RBL2: variants seen among roughly 807,000 people sequenced by gnomAD.
RBL2 encodes retinoblastoma-like protein 2.
Under a neutral mutation model 126.0 loss-of-function variants are expected in RBL2, and 56 were observed. That is an observed-to-expected ratio of 0.44 (90% confidence interval 0.36 to 0.56). The LOEUF (loss-of-function observed/expected upper bound fraction) is 0.56. RBL2 is among the 20% of genes least tolerant of loss of function. RBL2 has a pLI of 0.00. For missense variants in RBL2, 1,229 were observed against 1,398.2 expected (o/e 0.88, Z 1.93); for synonymous variants, 454 against 478.5 (o/e 0.95, Z 0.67).
At chr16:53,446,965 C>T (rs556765057) in intron 3 of RBL2, 77 bp from the exon 4 acceptor site, 2 of 839,936 alleles carry the variant, frequency 2.4e-6, no homozygotes, top group African/African-American at 3.6e-5. Flanking sequence ...TTATTTTACA[C>T]CTGATTTATA....
intron 5 of RBL2, among the ~76,000 whole-genome samples, chr16:53,452,787 C>G (rs887779796): frequency 2.6e-5 from 4 of 152,114 alleles, no homozygotes; most frequent in African/African-American, 9.7e-5. Context: ...TCATCTCAGC[C>G]TCCCAGGTAG....
chr16:53,485,128 CA>C (rs955128077), intron 21 of RBL2, among the ~76,000 whole-genome samples: 2 of 152,030 alleles, frequency 1.3e-5, no homozygotes, highest in African/African-American at 4.8e-5. Flanking sequence ...CACTCTCTAA[CA>C]AATCAAGTGC....
At chr16:53,490,036 G>C in intron 21 of RBL2, 94 bp from the exon 22 acceptor site, 1 of 310,162 alleles carries the variant, frequency 3.2e-6, no homozygotes, top group Non-Finnish European at 4.7e-6. Context: ...AACTCTTCCA[G>C]GGTAAACTGC....
Position 53,470,860 on chromosome 16 carries a change from G to A in RBL2, c.2641G>A (p.Glu881Lys). Residue 881 changes from glutamate to lysine, a missense_variant, in exon 17 of 22, where the codon GAA (glutamate) becomes AAA (lysine). This residue lies in a region of RBL2 where 1,070 missense variants were observed against 1,274.3 expected (regional missense o/e 0.84). Coordinates refer to ENST00000262133, the MANE Select transcript of RBL2 (RefSeq NM_005611.4). ...CFEFSIIQCPELMMDRHLDQL... is the reference protein window; with the variant it reads ...CFEFSIIQCPKLMMDRHLDQL... ...TGAATTCTCCATAATTCAGTGTCCT[G>A]AACTTATGATGGACAGACATCTGGA... The A allele has an allele frequency of 6.2e-7, 1 of 1,614,136 alleles. No individual in the cohort carries two copies. The highest frequency in any genetic ancestry group is 8.5e-7 in the Non-Finnish European group (1 of 1,179,976).
rs147692928 is a variant in RBL2 at position 53,443,554 on chromosome 16, A to C, written c.572+696A>C. On this transcript the variant is annotated intron_variant, in intron 3 of 21. Coordinates refer to ENST00000262133, the MANE Select transcript of RBL2 (RefSeq NM_005611.4). ...TTCTGATCACTTCTGCAAAGTCTAT[A>C]AGCATGCTCTGACTCAGTGTTTTCT... Among the ~76,000 whole-genome samples the C allele has an allele frequency of 9.2e-5, 14 of 152,324 alleles. No homozygotes were observed. In the East Asian group the frequency reaches 2.7e-3, roughly 29 times the overall value.
intron 17 of RBL2, among the ~76,000 whole-genome samples, chr16:53,477,035 A>T (rs1451075007): frequency 6.8e-6 from 1 of 147,572 alleles, no homozygotes; most frequent in Non-Finnish European, 1.5e-5. Flanking sequence ...TAGCATTTTA[A>T]CGTCAGTACT....
At chr16:53,472,775 C>T (rs1960572174) in intron 17 of RBL2, among the ~76,000 whole-genome samples, 1 of 152,082 alleles carries the variant, frequency 6.6e-6, no homozygotes, top group Admixed American at 6.6e-5. Flanking sequence ...GTTACTTGCA[C>T]TTTGGGTGTC....
intron 2 of RBL2, among the ~76,000 whole-genome samples, chr16:53,441,585 T>C (rs918437099): frequency 2.6e-5 from 4 of 152,160 alleles, no homozygotes; most frequent in Non-Finnish European, 5.9e-5. Flanking sequence ...AGAAACATTA[T>C]TGAGTGTGAA....
Position 53,442,635 on chromosome 16 carries a change from ATCT to A in RBL2, c.372-21_372-19del. 6.4e-7 allele frequency: 1 copy of A among 1,553,316 alleles called. No individual in the cohort carries two copies. Among genetic ancestry groups the A allele is most frequent in the Non-Finnish European group, 8.8e-7 (1 of 1,131,326 alleles). Reference sequence around the variant, plus strand: ...TTTAGCCTTATGTTAATTATGAAATATCTTGTTTGTCTTTAATACCAGCTTAAT... The same window carrying A: ...TTTAGCCTTATGTTAATTATGAAATATGTTTGTCTTTAATACCAGCTTAAT... On this transcript the variant is annotated intron_variant, in intron 2 of 21. Coordinates refer to ENST00000262133, the MANE Select transcript of RBL2 (RefSeq NM_005611.4).
chr16:53,474,706 G>A (rs761944310), intron 17 of RBL2, among the ~76,000 whole-genome samples: 1 of 152,160 alleles, frequency 6.6e-6, no homozygotes, highest in Non-Finnish European at 1.5e-5. Flanking sequence ...ATTTTTTCAA[G>A]TTTCCACATG....
rs748282036 is a variant in RBL2, at chr16:53,470,375, G to A, written c.2246-8G>A. 12 of 1,605,174 alleles carry A rather than the reference G, an allele frequency of 7.5e-6. No homozygotes were observed. Among genetic ancestry groups the A allele is most frequent in the Admixed American group, 1.7e-5 (1 of 58,860 alleles). ...CATTTTCTTCATGCTTTTTTTCTCTGTCACTAGGTATTGCCAATGAAAATG... is the reference window on the plus strand; with the variant it reads ...CATTTTCTTCATGCTTTTTTTCTCTATCACTAGGTATTGCCAATGAAAATG... On this transcript the variant is annotated splice_polypyrimidine_tract_variant and splice_region_variant and intron_variant, in intron 15 of 21. Coordinates refer to ENST00000262133, the MANE Select transcript of RBL2 (RefSeq NM_005611.4).
chr16:53,473,152 TTTTTC>T (rs1397623300), intron 17 of RBL2, among the ~76,000 whole-genome samples: 7 of 152,168 alleles, frequency 4.6e-5, no homozygotes, highest in African/African-American at 1.2e-4. Flanking sequence ...TCCTACTTTT[TTTTTC>T]TTTTCAAGAT....
chr16:53,435,297 GT>G (rs1199617993), intron 1 of RBL2, among the ~76,000 whole-genome samples: 1 of 152,138 alleles, frequency 6.6e-6, no homozygotes, highest in African/African-American at 2.4e-5. Flanking sequence ...GTGCTGATGC[GT>G]TTTGGGCTGT....
intron 19 of RBL2, 54 bp downstream of exon 19, chr16:53,480,045 T>C (rs1240224156): frequency 5.6e-6 from 7 of 1,257,480 alleles, no homozygotes; most frequent in Non-Finnish European, 7.9e-6. Context: ...TTCTTACTTT[T>C]TAGGCCTTGA....
chr16:53,479,842 C>G lies in RBL2; in HGVS notation c.2776-44C>G, dbSNP rs749846019. On this transcript the variant is annotated intron_variant, in intron 18 of 21. Coordinates refer to ENST00000262133, the MANE Select transcript of RBL2 (RefSeq NM_005611.4). ...AAGGTCCTATCACCAAGGGTGTGCT[C>G]AACAAATACTAGTTTATGTCCCCTT... 9 of 1,364,444 alleles carry G rather than the reference C, an allele frequency of 6.6e-6. No individual in the cohort carries two copies. In the Admixed American group the frequency reaches 1.8e-4, roughly 27 times the overall value. The allele number at this position is 1,364,444 out of a possible 1,614,324, so 84.5% of individuals were successfully genotyped here.
chr16:53,435,610 G>T, intron 1 of RBL2: 2 of 1,271,292 alleles, frequency 1.6e-6, no homozygotes, highest in South Asian at 1.3e-5. Flanking sequence ...TGACACGGAA[G>T]TACGGATTGT....
chr16:53,478,191 A>T (rs1390823699), intron 17 of RBL2, among the ~76,000 whole-genome samples: 2 of 152,196 alleles, frequency 1.3e-5, no homozygotes, highest in Admixed American at 1.3e-4. Flanking sequence ...TCTGATTAGA[A>T]GTCAAATTTT....
At chr16:53,485,724 T>C (rs968326863) in intron 21 of RBL2, among the ~76,000 whole-genome samples, 3 of 151,782 alleles carry the variant, frequency 2.0e-5, no homozygotes, top group Admixed American at 2.0e-4. Flanking sequence ...GGTGTGGTGC[T>C]GTACACCTGT....
At chr16:53,473,906 T>G (rs1306564899) in intron 17 of RBL2, among the ~76,000 whole-genome samples, 1 of 152,160 alleles carries the variant, frequency 6.6e-6, no homozygotes, top group Non-Finnish European at 1.5e-5. Flanking sequence ...ATCGTGTGCT[T>G]ATTTTTTTTA....
Sources: allele counts gnomAD v4.1 joint callset (sites outside exome capture counted in the v4.1 genomes callset), GRCh38; gene constraint gnomAD v4.1.1; regional missense constraint gnomAD v4.1.1; transcripts MANE v1.5; gene names NCBI Gene and HGNC (gene_info 2026-07-23, HGNC 2026-07-21).